Variants in TP53BP2 observed in about 807,000 individuals in gnomAD.
The protein encoded by TP53BP2 is apoptosis-stimulating of p53 protein 2.
A neutral mutation model predicts 126.2 loss-of-function variants in TP53BP2; 62 were observed. The observed-to-expected ratio is 0.49, with a 90% confidence interval of 0.40 to 0.61. The LOEUF (loss-of-function observed/expected upper bound fraction) is 0.61. Among genes scored for constraint, TP53BP2 ranks in the 20% least tolerant of loss-of-function variants. TP53BP2 has a pLI of 0.00. For synonymous variants in TP53BP2, 485 were observed against 502.9 expected (o/e 0.96, Z 0.48); for missense variants, 1,215 against 1,402.8 (o/e 0.87, Z 2.14).
rs1381639370 is a variant in TP53BP2, at chr1:223,784,243, C to T, written c.3235G>A (p.Asp1079Asn). Residue 1079 changes from aspartate to asparagine, a missense_variant, in exon 17 of 18, where the codon GAT becomes AAT. Transcript: ENST00000343537. Reference protein sequence around the residue: ...YALWDYEPQNDDELPMKEGDC... With the variant: ...YALWDYEPQNNDELPMKEGDC... ...CCTTCTTTCATGGGCAGCTCATCATCATTCTGAGGTTCATAATCCCAAAGC... is the reference window on the plus strand; with the variant it reads ...CCTTCTTTCATGGGCAGCTCATCATTATTCTGAGGTTCATAATCCCAAAGC... 1 of 1,614,162 alleles carries T rather than the reference C, an allele frequency of 6.2e-7. No homozygotes were observed. Among genetic ancestry groups the T allele is most frequent in the Non-Finnish European group, 8.5e-7 (1 of 1,180,022 alleles).
At chr1:223,839,218 T>C (rs1664023390) in intron 1 of TP53BP2, among the ~76,000 whole-genome samples, 1 of 152,244 alleles carries the variant, frequency 6.6e-6, no homozygotes, top group South Asian at 2.1e-4. Context: ...ATCTCATTTC[T>C]ACTAGTGACC....
chr1:223,796,188 G>C lies in TP53BP2; in HGVS notation c.2351C>G (p.Thr784Ser). 6.2e-7 allele frequency: 1 copy of C among 1,614,202 alleles called. No individual in the cohort carries two copies. The highest frequency in any genetic ancestry group is 2.2e-5 in the East Asian group (1 of 44,880). The change falls in exon 13 of 18, where the codon ACT becomes AGT. Residue 784 changes from threonine to serine, a missense_variant. Physicochemically the swap from Thr to Ser is moderately conservative, Grantham distance 58. Around this residue, in one of 4 missense-constraint regions of TP53BP2, gnomAD observed 204 missense variants for 225.7 expected, o/e 0.90. Transcript: ENST00000343537. The surrounding 1 kb of genome is among the most constrained non-coding windows in gnomAD (Gnocchi z 4.2). ...PSYPSKSASV[T>S]ASSESPVEIQ... Reference sequence around the variant, plus strand: ...TTCTACTGGGCTTTCTGAGCTGGCAGTCACAGAAGCTGACTTGGATGGGTA... The same window carrying C: ...TTCTACTGGGCTTTCTGAGCTGGCACTCACAGAAGCTGACTTGGATGGGTA...
At chr1:223,781,818 C>T (rs983130203) in intron 17 of TP53BP2, among the ~76,000 whole-genome samples, 1 of 151,888 alleles carries the variant, frequency 6.6e-6, no homozygotes, top group Non-Finnish European at 1.5e-5. Flanking sequence ...AAAAAAAGAT[C>T]AGGAAAACAA....
rs1201322551 is a variant in TP53BP2 at position 223,780,730 on chromosome 1, TTCA to T, written c.*120_*122del. The stretch of plus-strand genomic sequence containing the variant: ...CCTTCATTCTCTTCTAGAGACATTC[TTCA>T]TCGCTTTCAAGCTACATTGTCATTA... On this transcript the variant is annotated 3_prime_UTR_variant, in exon 18 of 18. Coordinates refer to ENST00000343537, the MANE Select transcript of TP53BP2 (RefSeq NM_001031685.3). 1.3e-5 allele frequency: 11 copies of T among 879,436 alleles called. No individual in the cohort carries two copies. The highest frequency in any genetic ancestry group is 2.0e-5 in the Non-Finnish European group (11 of 562,158). 54.5% of individuals were successfully genotyped at this position (879,436 alleles called of 1,614,324 possible).
rs1662504465 is a variant in TP53BP2 at position 223,800,819 on chromosome 1, C to T, written c.1226-9G>A. On this transcript the variant is annotated splice_polypyrimidine_tract_variant and intron_variant, in intron 9 of 17. Transcript: ENST00000343537. Reference sequence around the variant, plus strand: ...TGGATGGATTTTAGAGCCTAAAATACAGAAAAGCAGCTACAAATAACTCAG... The same window carrying T: ...TGGATGGATTTTAGAGCCTAAAATATAGAAAAGCAGCTACAAATAACTCAG... 1 of 1,576,304 alleles carries T rather than the reference C, an allele frequency of 6.3e-7. No individual in the cohort carries two copies. The highest frequency in any genetic ancestry group is 1.2e-5 in the South Asian group (1 of 86,594).
Position 223,845,763 on chromosome 1 carries a change from G to A in TP53BP2, c.-83C>T, listed in dbSNP as rs911509577. The A allele has an allele frequency of 1.0e-3, 1,402 of 1,362,810 alleles. 5 individuals carry two copies. Among genetic ancestry groups the A allele is most frequent in the Middle Eastern group, 1.3e-3 (6 of 4,610 alleles). The allele number at this position is 1,362,810 out of a possible 1,614,324, so 84.4% of individuals were successfully genotyped here. A position where few individuals can be genotyped will look rare whatever the true frequency, so the allele number is the denominator to read the frequency against. On this transcript the variant is annotated 5_prime_UTR_variant, in exon 1 of 18. Coordinates refer to ENST00000343537, the MANE Select transcript of TP53BP2 (RefSeq NM_001031685.3). ...GATGCGGGGGAGGGGAGCGGAGAGC[G>A]AGGCCGCCCGGACCTGTTGCGAGGC...
At chr1:223,839,106 G>T (rs1035552336) in intron 1 of TP53BP2, among the ~76,000 whole-genome samples, 3 of 150,312 alleles carry the variant, frequency 2.0e-5, no homozygotes, top group African/African-American at 7.4e-5. Flanking sequence ...TTAGCCAAAA[G>T]AACATCATTA....
chr1:223,781,007 G>T (rs769150572), intron 17 of TP53BP2, 113 bp from the exon 18 acceptor site: 54 of 1,008,426 alleles, frequency 5.4e-5, no homozygotes, highest in Admixed American at 3.7e-4. Context: ...AAATCAAAGT[G>T]AGAAAAGCAC....
Position 223,842,748 on chromosome 1 carries a change from A to G in TP53BP2, c.27+2906T>C, listed in dbSNP as rs1162768654. On this transcript the variant is annotated intron_variant, in intron 1 of 17. Coordinates refer to ENST00000343537, the MANE Select transcript of TP53BP2 (RefSeq NM_001031685.3). Reference sequence around the variant, plus strand: ...TAGTGAATAAAAGATATCTAATGTAATTTTCAAACGACTAAGAATTTTTGC... The same window carrying G: ...TAGTGAATAAAAGATATCTAATGTAGTTTTCAAACGACTAAGAATTTTTGC... Among the ~76,000 whole-genome samples, 5 of 152,328 alleles carry G rather than the reference A, an allele frequency of 3.3e-5. No individual in the cohort carries two copies. The South Asian group carries it at 1.0e-3, about 32-fold the overall frequency.
At chr1:223,814,039 C>A (rs1663001754) in intron 3 of TP53BP2, 1 of 525,084 alleles carries the variant, frequency 1.9e-6, no homozygotes, top group African/African-American at 1.9e-5. Context: ...AGTTTCAACC[C>A]CCTGCTCTAA....
intron 3 of TP53BP2, 74 bp from the exon 4 acceptor site, chr1:223,810,587 G>T: frequency 9.8e-7 from 1 of 1,018,420 alleles, no homozygotes; most frequent in Non-Finnish European, 1.4e-6. Context: ...TCATTTCTGA[G>T]TTCTGTCATT....
Position 223,802,295 on chromosome 1 carries a change from C to G in TP53BP2, c.1046G>C (p.Arg349Pro). The G allele has an allele frequency of 6.2e-7, 1 of 1,614,162 alleles. No homozygotes were observed. Among genetic ancestry groups the G allele is most frequent in the Admixed American group, 1.7e-5 (1 of 60,032 alleles). Residue 349 changes from arginine to proline, a missense_variant, in exon 9 of 18, where the codon CGT becomes CCT. Arg to Pro is a moderately radical substitution (Grantham distance 103). Around this residue, in one of 4 missense-constraint regions of TP53BP2, gnomAD observed 814 missense variants for 853.0 expected, o/e 0.95. Transcript: ENST00000343537. ...LPQQAASAPSRVAAVGPYIQS... is the reference protein window; with the variant it reads ...LPQQAASAPSPVAAVGPYIQS... ...GATATAGGGACCTACTGCAGCCACA[C>G]GGCTTGGGGCTGACGCGGCTTGCTG... is the stretch of plus-strand genomic sequence containing the variant.
chr1:223,813,828 G>C (rs556294002), intron 3 of TP53BP2, among the ~76,000 whole-genome samples: 1 of 152,122 alleles, frequency 6.6e-6, no homozygotes, highest in East Asian at 1.9e-4. Context: ...TCCTACCTCA[G>C]AGAAAACAAA....
At chr1:223,783,752 C>T (rs1661855180) in intron 17 of TP53BP2, among the ~76,000 whole-genome samples, 1 of 152,226 alleles carries the variant, frequency 6.6e-6, no homozygotes, top group Non-Finnish European at 1.5e-5. Context: ...TACAGAAAAA[C>T]AAAGAATCTT....
Position 223,800,767 on chromosome 1 carries a change from A to T in TP53BP2, c.1269T>A (p.Asn423Lys), listed in dbSNP as rs989007377. Residue 423 changes from asparagine to lysine, a missense_variant, in exon 10 of 18, where the codon AAT becomes AAA. This residue lies in a region of TP53BP2 where 814 missense variants were observed against 853.0 expected (regional missense o/e 0.95). Transcript: ENST00000343537. ...AGCCTTGGCTTGGGAAAAGATCTGC[A>T]TTTGAAGGACTCCAATCAGGGCCAA... ...HPVGPDWSPS[N>K]ADLFPSQGSA... 6 of 1,611,632 alleles carry T rather than the reference A, an allele frequency of 3.7e-6. No individual in the cohort carries two copies. Among genetic ancestry groups the T allele is most frequent in the Non-Finnish European group, 4.2e-6 (5 of 1,179,430 alleles).
intron 17 of TP53BP2, among the ~76,000 whole-genome samples, chr1:223,781,493 G>A (rs781218642): frequency 1.1e-4 from 17 of 152,098 alleles, no homozygotes; most frequent in Admixed American, 1.1e-3. Context: ...AGGCCTCTAG[G>A]CCTGAGCCAG....
chr1:223,800,125 T>A, intron 10 of TP53BP2, 78 bp from the exon 11 acceptor site: 1 of 1,407,782 alleles, frequency 7.1e-7, no homozygotes, highest in Admixed American at 2.6e-5. Context: ...TTCTCTCCCC[T>A]AAATCTCCCT....
intron 8 of TP53BP2, 157 bp from the exon 9 acceptor site, chr1:223,802,501 T>C: frequency 2.3e-6 from 2 of 854,114 alleles, no homozygotes; most frequent in Admixed American, 2.9e-5. Context: ...CACTCCCCAA[T>C]GAACTCTCAC....
At chr1:223,820,824 C>G (rs1457616166) in intron 2 of TP53BP2, among the ~76,000 whole-genome samples, 1 of 152,222 alleles carries the variant, frequency 6.6e-6, no homozygotes, top group Non-Finnish European at 1.5e-5. Context: ...GAGTTCACCA[C>G]TGCTGTCTGC....
Sources: allele counts gnomAD v4.1 joint callset (sites outside exome capture counted in the v4.1 genomes callset), GRCh38; gene constraint gnomAD v4.1.1; regional missense constraint gnomAD v4.1.1; non-coding constraint Gnocchi (gnomAD v3.1); transcripts MANE v1.5; gene names NCBI Gene and HGNC (gene_info 2026-07-23, HGNC 2026-07-21).